The following SPECC1 variants were observed in gnomAD, a reference collection of about 807,000 sequenced individuals.
The protein encoded by SPECC1 is sperm antigen with calponin homology and coiled-coil domains 1.
Under a neutral mutation model 104.1 loss-of-function variants are expected in SPECC1, and 62 were observed. The ratio of observed to expected loss-of-function variants is 0.60; its 90% CI spans 0.49 to 0.74. The LOEUF (loss-of-function observed/expected upper bound fraction) is 0.74. Among genes scored for constraint, SPECC1 ranks in the 30% least tolerant of loss-of-function variants. The pLI, the probability that SPECC1 is intolerant of heterozygous loss-of-function variation, is 0.00. For synonymous variants in SPECC1, 513 were observed against 501.6 expected, an observed-to-expected ratio of 1.02 and a Z score of -0.30; for missense variants, 1,306 against 1,310.5, an observed-to-expected ratio of 1.00 and a Z score of 0.05.
chr17:20,041,313 G>A (rs2045317655), intron 1 of SPECC1, among the ~76,000 whole-genome samples: 1 of 151,962 alleles, frequency 6.6e-6, no homozygotes, highest in African/African-American at 2.4e-5. Flanking sequence ...CGGGATCTCG[G>A]CTCACCGCAA....
chr17:20,257,310 T>C (rs1191169444), intron 10 of SPECC1, 141 bp from the exon 11 acceptor site: 2 of 958,534 alleles, frequency 2.1e-6, no homozygotes, highest in Non-Finnish European at 3.0e-6. Context: ...ACATCCCTAT[T>C]GCATTTTTAT....
intron 12 of SPECC1, among the ~76,000 whole-genome samples, chr17:20,291,224 C>T (rs1043633243): frequency 6.6e-6 from 1 of 152,160 alleles, no homozygotes; most frequent in Non-Finnish European, 1.5e-5. Context: ...ATCAAAGTTT[C>T]ACCACTCACT....
intron 3 of SPECC1, among the ~76,000 whole-genome samples, chr17:20,133,591 A>G (rs2049770179): frequency 6.6e-6 from 1 of 152,176 alleles, no homozygotes; most frequent in African/African-American, 2.4e-5. Context: ...TTTGAGAGGA[A>G]TAAGAATAGT....
chr17:20,230,706 T>C (rs1459189496), intron 5 of SPECC1, among the ~76,000 whole-genome samples: 3 of 152,216 alleles, frequency 2.0e-5, no homozygotes, highest in Non-Finnish European at 4.4e-5. Context: ...TGAAAAACTT[T>C]TAAACTTTTT....
chr17:20,193,876 C>T (rs1035234622), intron 3 of SPECC1, among the ~76,000 whole-genome samples: 1 of 152,130 alleles, frequency 6.6e-6, no homozygotes, highest in African/African-American at 2.4e-5. Flanking sequence ...ATTATCCATC[C>T]CTCTTGTTTC....
chr17:20,264,034 T>C (rs1295806449), intron 12 of SPECC1, among the ~76,000 whole-genome samples: 1 of 152,204 alleles, frequency 6.6e-6, no homozygotes, highest in Non-Finnish European at 1.5e-5. Context: ...GTCTGCTTTA[T>C]TTACCCTTCA....
intron 3 of SPECC1, among the ~76,000 whole-genome samples, chr17:20,197,985 A>G (rs930873507): frequency 6.6e-6 from 1 of 152,208 alleles, no homozygotes; most frequent in African/African-American, 2.4e-5. Flanking sequence ...TAGAAATCTG[A>G]CTGGCAAGAA....
intron 1 of SPECC1, among the ~76,000 whole-genome samples, chr17:20,091,692 G>A (rs1486616311): frequency 6.6e-6 from 1 of 152,172 alleles, no homozygotes; most frequent in Non-Finnish European, 1.5e-5. Context: ...TTCCTGCTGA[G>A]TCCCCTGGCA....
In SPECC1 at chr17:20,068,250, C is replaced by T. The variant is rs139868477; in HGVS notation, c.-21-28381C>T. 3.7e-3 allele frequency among the ~76,000 whole-genome samples: 571 copies of T among 152,288 alleles called. 3 individuals carry two copies. Among genetic ancestry groups the T allele is most frequent in the African/African-American group, 0.013 (551 of 41,548 alleles). ...TGCTGGGATTATAGGTATGAGCTAC[C>T]ATGCCCAGCCTGTGTGGCTCCTTTT... On this transcript the variant is annotated intron_variant, in intron 1 of 14. Coordinates refer to ENST00000395527, the MANE Select transcript of SPECC1 (RefSeq NM_001243439.2).
chr17:20,189,625 G>A (rs2035521477), intron 3 of SPECC1, among the ~76,000 whole-genome samples: 2 of 152,154 alleles, frequency 1.3e-5, no homozygotes, highest in South Asian at 4.1e-4. Context: ...AGCGGTCACT[G>A]TGTCCTCTCC....
At chr17:20,173,735 G>C (rs138916325) in intron 3 of SPECC1, among the ~76,000 whole-genome samples, 2 of 152,190 alleles carry the variant, frequency 1.3e-5, no homozygotes, top group South Asian at 4.1e-4. Flanking sequence ...TTCAGTCTTT[G>C]TGAAAGTACA....
intron 3 of SPECC1, among the ~76,000 whole-genome samples, chr17:20,181,539 T>C (rs992491780): frequency 7.9e-5 from 12 of 152,154 alleles, no homozygotes; most frequent in African/African-American, 2.7e-4. Flanking sequence ...CAAATTGTTT[T>C]CTAGAAAAAA....
At chr17:20,186,848 A>G (rs1462424127) in intron 3 of SPECC1, among the ~76,000 whole-genome samples, 1 of 152,172 alleles carries the variant, frequency 6.6e-6, no homozygotes, top group Non-Finnish European at 1.5e-5. Context: ...ATTATAGATC[A>G]TAGGTGTGAG....
chr17:20,099,694 C>CAA (rs768172798), intron 2 of SPECC1, among the ~76,000 whole-genome samples: 408 of 17,410 alleles, frequency 0.023, 35 homozygotes, highest in Middle Eastern at 0.14. Flanking sequence ...CACTCTATCT[C>CAA]AAAAAAAAAA....
In SPECC1 at chr17:20,245,935, T is replaced by C. The variant is rs902817261; in HGVS notation, c.2361T>C (p.Asp787=). Residue 787 remains aspartate (D), a synonymous_variant, in exon 8 of 15, where the codon GAT becomes GAC. Transcript: ENST00000395527. ...GCTCTTTGCCATGCAGACCTGTGGA[T>C]GAAGAGCCAGAGTCCTCTGAGGTCG... ...VTSRAAPPPV[D]EEPESSEVDA... The C allele has an allele frequency of 6.2e-7, 1 of 1,614,054 alleles. No individual in the cohort carries two copies. The highest frequency in any genetic ancestry group is 1.3e-5 in the African/African-American group (1 of 74,934).
intron 1 of SPECC1, among the ~76,000 whole-genome samples, chr17:20,020,650 A>G (rs527644469): frequency 6.6e-6 from 1 of 152,310 alleles, no homozygotes; most frequent in South Asian, 2.1e-4. Flanking sequence ...CCTTGGTTTT[A>G]GACCTCAGGT....
intron 13 of SPECC1, among the ~76,000 whole-genome samples, chr17:20,298,919 A>AGAGAGAGAGAGAGAG (rs2041445038): frequency 1.5e-5 from 1 of 66,838 alleles, no homozygotes. Flanking sequence ...AAGCAGAACC[A>AGAGAGAGAGAGAGAG]AAAGAGAGAG....
chr17:20,239,301 C>A, intron 7 of SPECC1: 1 of 1,010,596 alleles, frequency 9.9e-7, no homozygotes, highest in Non-Finnish European at 1.2e-6. Flanking sequence ...AAATATTAAT[C>A]TTTCTTCTCC....
chr17:20,023,809 T>TA (rs71245395), intron 1 of SPECC1, among the ~76,000 whole-genome samples: 34,801 of 135,172 alleles, frequency 0.26, 4,635 homozygotes, highest in Middle Eastern at 0.38. Flanking sequence ...TGGCAGAAAA[T>TA]AAAAAAAAAA....
Sources: allele counts gnomAD v4.1 joint callset (sites outside exome capture counted in the v4.1 genomes callset), GRCh38; gene constraint gnomAD v4.1.1; transcripts MANE v1.5; gene names NCBI Gene and HGNC (gene_info 2026-07-23, HGNC 2026-07-21).